Variants in ZFP62 observed in about 807,000 individuals in gnomAD.
ZFP62 encodes ZFP62 zinc finger protein, also known as zinc finger protein 62 homolog.
ZFP62 carries 44 observed loss-of-function variants against 56.4 expected under a neutral mutation model. The observed-to-expected ratio is 0.78, with a 90% CI of 0.61 to 1.00. The LOEUF (loss-of-function observed/expected upper bound fraction) is 1.00. ZFP62 is among the 50% of genes least tolerant of loss of function. The pLI is 0.00. For synonymous variants in ZFP62, 421 were observed against 388.9 expected (o/e 1.08, Z -0.97); for missense variants, 1,030 against 1,085.7 (o/e 0.95, Z 0.72).
chr5:180,852,415 G>A (rs777979395), intron 1 of ZFP62, among the ~76,000 whole-genome samples: 1 of 152,022 alleles, frequency 6.6e-6, no homozygotes, highest in Non-Finnish European at 1.5e-5. Context: ...TTAGCTGGGC[G>A]TGATGGCACG....
downstream of ZFP62, among the ~76,000 whole-genome samples, chr5:180,844,500 C>T (rs535393486): frequency 6.6e-6 from 1 of 152,198 alleles, no homozygotes; most frequent in Non-Finnish European, 1.5e-5. Flanking sequence ...CTCTCACCAA[C>T]CCTTCCTACA....
rs1773645517 is a variant in ZFP62 at position 180,850,657 on chromosome 5, G to C, written c.838C>G (p.Pro280Ala). Residue 280 changes from proline (P) to alanine (A), a missense_variant, in exon 2 of 2, where the codon CCC becomes GCC. Transcript: ENST00000502412. ...VHKRIHTGEK[P>A]YECDICGKTF... ...TTCCCACAGATGTCGCATTCATAGG[G>C]CTTCTCCCCCGTGTGGATCCTTTTG... 1 of 1,587,038 alleles carries C rather than the reference G, an allele frequency of 6.3e-7. No individual in the cohort carries two copies. The highest frequency in any genetic ancestry group is 1.3e-5 in the African/African-American group (1 of 74,160).
In ZFP62 at chr5:180,848,713, A is replaced by C; in HGVS notation, c.*79T>G. On this transcript the variant is annotated 3_prime_UTR_variant, in exon 2 of 2. Coordinates refer to ENST00000502412, the MANE Select transcript of ZFP62 (RefSeq NM_001172638.2). The stretch of plus-strand genomic sequence containing the variant: ...TTTCATTTACACTGTGTAAATTACA[A>C]GCCATGACCCCCTACATTCTTACAT... 6.9e-7 allele frequency: 1 copy of C among 1,447,066 alleles called. No individual in the cohort carries two copies. Among genetic ancestry groups the C allele is most frequent in the Non-Finnish European group, 9.1e-7 (1 of 1,096,998 alleles). 89.6% of individuals were successfully genotyped at this position (1,447,066 alleles called of 1,614,324 possible). A position where few individuals can be genotyped will look rare whatever the true frequency, so the allele number is the denominator to read the frequency against.
the ZFP62 span, among the ~76,000 whole-genome samples, chr5:180,832,171 T>C: frequency 1.3e-5 from 2 of 152,178 alleles, no homozygotes; most frequent in Non-Finnish European, 2.9e-5. Context: ...CTTTTTTTCT[T>C]TGAGACAGTC....
chr5:180,829,361 G>A, the ZFP62 span, among the ~76,000 whole-genome samples: 2 of 152,200 alleles, frequency 1.3e-5, no homozygotes, highest in African/African-American at 4.8e-5. Context: ...TGAAGCATAT[G>A]ATCTTTGTTC....
the ZFP62 span, among the ~76,000 whole-genome samples, chr5:180,829,252 T>C: frequency 4.0e-5 from 6 of 150,978 alleles, no homozygotes; most frequent in East Asian, 1.9e-4. Context: ...CTTTTGCCCT[T>C]TGTCCTGTTT....
chr5:180,847,702 A>G lies in ZFP62; in HGVS notation c.*1090T>C. The stretch of plus-strand genomic sequence containing the variant: ...ACAAAGAGAGAGTGAGCCCTGAACA[A>G]AGTATTCGTTAACATTTTACAACAG... On this transcript the variant is annotated 3_prime_UTR_variant, in exon 2 of 2. Coordinates refer to ENST00000502412, the MANE Select transcript of ZFP62 (RefSeq NM_001172638.2). 1.0e-6 allele frequency: 1 copy of G among 985,442 alleles called. No homozygotes were observed. The allele number at this position is 985,442 out of a possible 1,614,324, so 61.0% of individuals were successfully genotyped here.
the ZFP62 span, among the ~76,000 whole-genome samples, chr5:180,828,929 G>C: frequency 1.3e-5 from 2 of 152,298 alleles, no homozygotes; most frequent in Non-Finnish European, 2.9e-5. Context: ...TCTATAAATG[G>C]CTGCTCTGGG....
chr5:180,848,584 G>A lies in ZFP62; in HGVS notation c.*208C>T. 7.6e-7 allele frequency: 1 copy of A among 1,317,930 alleles called. No individual in the cohort carries two copies. The highest frequency in any genetic ancestry group is 9.6e-7 in the Non-Finnish European group (1 of 1,036,490). 81.6% of individuals were successfully genotyped at this position (1,317,930 alleles called of 1,614,324 possible). ...TAAGTTTTTCTCTCAAGTATGGACT[G>A]TTTTATATCCTGTAAGAGCTGAACT... On this transcript the variant is annotated 3_prime_UTR_variant, in exon 2 of 2. Transcript: ENST00000502412.
chr5:180,843,083 G>T (rs147177709), downstream of ZFP62, among the ~76,000 whole-genome samples: 162 of 149,070 alleles, frequency 1.1e-3, 4 homozygotes, highest in East Asian at 0.027. Context: ...AAAAAGAAAA[G>T]TAATTAAACG....
Position 180,851,054 on chromosome 5 carries a change from C to G in ZFP62, c.441G>C (p.Gly147=). Reference sequence around the variant, plus strand: ...GGCGGGAATTATATTTGAAGGATTTCCCACATTCATCACATTTATGTAATT... The same window carrying G: ...GGCGGGAATTATATTTGAAGGATTTGCCACATTCATCACATTTATGTAATT... ...VKKLHKCDEC[G]KSFKYNSRLV... Residue 147 remains glycine, a synonymous_variant, in exon 2 of 2, where the codon GGG becomes GGC. Transcript: ENST00000502412. 1 of 1,551,672 alleles carries G rather than the reference C, an allele frequency of 6.4e-7. No homozygotes were observed. The highest frequency in any genetic ancestry group is 8.7e-7 in the Non-Finnish European group (1 of 1,146,992).
At chr5:180,840,234 T>C in the ZFP62 span, among the ~76,000 whole-genome samples, 2 of 152,294 alleles carry the variant, frequency 1.3e-5, no homozygotes, top group East Asian at 1.9e-4. Flanking sequence ...GGCCTAGTTA[T>C]GTTCAGGGGC....
chr5:180,842,347 C>T, the ZFP62 span, among the ~76,000 whole-genome samples: 6 of 151,948 alleles, frequency 3.9e-5, no homozygotes, highest in Admixed American at 6.6e-5. Flanking sequence ...TACCAAAACT[C>T]ATGAAAGATA....
In ZFP62 at chr5:180,847,738, C is replaced by T. The variant is rs1773461339; in HGVS notation, c.*1054G>A. ...AACATTTTACAACAGACAACATATA[C>T]ATGTCCTGCATGACATCTTTACAAT... is the stretch of plus-strand genomic sequence containing the variant. On this transcript the variant is annotated 3_prime_UTR_variant, in exon 2 of 2. Coordinates refer to ENST00000502412, the MANE Select transcript of ZFP62 (RefSeq NM_001172638.2). 1 of 985,454 alleles carries T rather than the reference C, an allele frequency of 1.0e-6. No homozygotes were observed. The highest frequency in any genetic ancestry group is 5.2e-4 in the Middle Eastern group (1 of 1,914). 61.0% of individuals were successfully genotyped at this position (985,454 alleles called of 1,614,324 possible).
chr5:180,856,043 G>T (rs1318579377), intron 1 of ZFP62, among the ~76,000 whole-genome samples: 1 of 152,188 alleles, frequency 6.6e-6, no homozygotes, highest in Non-Finnish European at 1.5e-5. Context: ...TTGACAAGTG[G>T]ATTATTCGTT....
the ZFP62 span, among the ~76,000 whole-genome samples, chr5:180,833,088 G>T: frequency 6.6e-6 from 1 of 152,176 alleles, no homozygotes; most frequent in African/African-American, 2.4e-5. Flanking sequence ...GTTACGAATG[G>T]ACTGTCACCC....
In ZFP62 at chr5:180,848,847, C is replaced by A; in HGVS notation, c.2648G>T (p.Arg883Ile). 6.5e-7 allele frequency: 1 copy of A among 1,549,548 alleles called. No individual in the cohort carries two copies. Among genetic ancestry groups the A allele is most frequent in the Non-Finnish European group, 8.7e-7 (1 of 1,145,258 alleles). The part of the protein sequence containing the change: ...VGSYSGTSQK[R>I]TYEGGNALDG... The stretch of plus-strand genomic sequence containing the variant: ...CAGGGCATTCCCTCCCTCATAGGTT[C>A]TCTTCTGGGATGTGCCACTATAACT... The change falls in exon 2 of 2, where the codon AGA (arginine) becomes ATA (isoleucine). Residue 883 changes from arginine to isoleucine, a missense_variant. Arg to Ile is a moderately conservative substitution (Grantham distance 97). Transcript: ENST00000502412.
chr5:180,845,527 A>G (rs994171967), downstream of ZFP62, among the ~76,000 whole-genome samples: 6 of 152,172 alleles, frequency 3.9e-5, no homozygotes, highest in South Asian at 4.2e-4. Flanking sequence ...GCACAATGAC[A>G]CTATCCAGAC....
At position 180,849,351 on chromosome 5, in the gene ZFP62, G is replaced by A; in HGVS notation, c.2144C>T (p.Thr715Ile). The stretch of plus-strand genomic sequence containing the variant: ...ATGGACTCTTTTATGGCTTATAAGA[G>A]TTCTGCTTGAGAAAAAAGCTTTTCC... ...ECGKAFFSSR[T>I]LISHKRVHLG... Residue 715 changes from threonine (T) to isoleucine (I), a missense_variant, in exon 2 of 2, where the codon ACT (threonine) becomes ATT (isoleucine). By Grantham distance (89) the Thr-to-Ile change is moderately conservative. Coordinates refer to ENST00000502412, the MANE Select transcript of ZFP62 (RefSeq NM_001172638.2). 1 of 1,551,810 alleles carries A rather than the reference G, an allele frequency of 6.4e-7. No individual in the cohort carries two copies. The highest frequency in any genetic ancestry group is 8.7e-7 in the Non-Finnish European group (1 of 1,147,030).
Sources: allele counts gnomAD v4.1 joint callset (sites outside exome capture counted in the v4.1 genomes callset), GRCh38; gene constraint gnomAD v4.1.1; transcripts MANE v1.5; gene names NCBI Gene and HGNC (gene_info 2026-07-23, HGNC 2026-07-21).